FGF12: variants seen among roughly 807,000 people sequenced by gnomAD.
FGF12 encodes the protein fibroblast growth factor 12.
Under a neutral mutation model 23.6 loss-of-function variants are expected in FGF12, and 14 were observed. The ratio of observed to expected loss-of-function variants is 0.59; its 90% CI spans 0.39 to 0.93. The LOEUF (loss-of-function observed/expected upper bound fraction) is 0.93. Ranked by LOEUF, FGF12 falls within the 40% of genes least tolerant of loss-of-function variation. The pLI, the probability that FGF12 is intolerant of heterozygous loss-of-function variation, is 0.00. For missense variants in FGF12, 175 were observed against 217.8 expected (o/e 0.80, Z 1.24); for synonymous variants, 62 against 77.3 (o/e 0.80, Z 1.04).
At chr3:192,359,928 G>T (rs911168302) in intron 3 of FGF12, among the ~76,000 whole-genome samples, 1 of 149,820 alleles carries the variant, frequency 6.7e-6, no homozygotes, top group East Asian at 1.9e-4. Context: ...CAGCAATTTT[G>T]CCTTTAACAT....
chr3:192,221,395 G>A (rs766686605), intron 4 of FGF12, among the ~76,000 whole-genome samples: 4 of 152,076 alleles, frequency 2.6e-5, no homozygotes, highest in Non-Finnish European at 5.9e-5. Context: ...CTATGCATAC[G>A]TAGTACTAAT....
rs545972974 is a variant in FGF12 at position 192,140,373 on chromosome 3, C to A, written c.*3636G>T. 4 of 152,024 alleles carry A rather than the reference C, an allele frequency of 2.6e-5. No homozygotes were observed. The highest frequency in any genetic ancestry group is 9.6e-5 in the African/African-American group (4 of 41,516). The allele number at this position is 152,024 out of a possible 1,614,324, so 9.4% of individuals were successfully genotyped here. A position where few individuals can be genotyped will look rare whatever the true frequency, so the allele number is the denominator to read the frequency against. ...CTCATCTTGTGCAGATGAAATTAAG[C>A]AATATCATGGAAAACCTTCTCAAGA... On this transcript the variant is annotated 3_prime_UTR_variant, in exon 6 of 6. Coordinates refer to ENST00000445105, the MANE Select transcript of FGF12 (RefSeq NM_004113.6).
At chr3:192,722,152 C>T (rs569908841) in intron 2 of FGF12, among the ~76,000 whole-genome samples, 1 of 152,266 alleles carries the variant, frequency 6.6e-6, no homozygotes, top group South Asian at 2.1e-4. Context: ...ATTTAAGAAT[C>T]TTGAGACCCA....
intron 4 of FGF12, among the ~76,000 whole-genome samples, chr3:192,287,565 G>C (rs982316797): frequency 2.4e-4 from 37 of 152,116 alleles, no homozygotes; most frequent in African/African-American, 8.4e-4. Flanking sequence ...CATTTAAAAA[G>C]CCAGCCAAAA....
At chr3:192,203,648 A>G (rs1717494476) in intron 4 of FGF12, among the ~76,000 whole-genome samples, 1 of 148,400 alleles carries the variant, frequency 6.7e-6, no homozygotes, top group Non-Finnish European at 1.5e-5. Context: ...GGCTCACTGC[A>G]GCCTTGACTT....
intron 2 of FGF12, among the ~76,000 whole-genome samples, chr3:192,395,285 A>G (rs780985670): frequency 1.2e-4 from 19 of 152,336 alleles, no homozygotes; most frequent in African/African-American, 4.6e-4. Flanking sequence ...GGCAAAGTAA[A>G]TACTAAGTAT....
At chr3:192,682,872 A>C (rs1015065383) in intron 2 of FGF12, among the ~76,000 whole-genome samples, 1 of 152,170 alleles carries the variant, frequency 6.6e-6, no homozygotes, top group Non-Finnish European at 1.5e-5. Flanking sequence ...GGTCATGCCT[A>C]AGTAATAAAA....
At chr3:192,516,325 C>T (rs1425857253) in intron 2 of FGF12, among the ~76,000 whole-genome samples, 1 of 152,148 alleles carries the variant, frequency 6.6e-6, no homozygotes, top group African/African-American at 2.4e-5. Flanking sequence ...ATTCATTGCA[C>T]GAAAACTGTT....
chr3:192,552,873 A>G (rs1388297620), intron 2 of FGF12, among the ~76,000 whole-genome samples: 1 of 152,160 alleles, frequency 6.6e-6, no homozygotes, highest in Non-Finnish European at 1.5e-5. Context: ...CCTGGGTGAC[A>G]GGGTGAGACT....
At chr3:192,344,605 AC>A (rs978625890) in intron 3 of FGF12, among the ~76,000 whole-genome samples, 2 of 152,124 alleles carry the variant, frequency 1.3e-5, no homozygotes, top group Non-Finnish European at 2.9e-5. Flanking sequence ...GACTTCAGAG[AC>A]TAAAATTTTT....
At chr3:192,361,953 T>C (rs1577388943) in intron 2 of FGF12, among the ~76,000 whole-genome samples, 1 of 152,238 alleles carries the variant, frequency 6.6e-6, no homozygotes, top group Non-Finnish European at 1.5e-5. Context: ...TTCTAATTAA[T>C]AGATATGTAT....
At chr3:192,544,006 T>C (rs112232965) in intron 2 of FGF12, among the ~76,000 whole-genome samples, 1,523 of 152,266 alleles carry the variant, frequency 0.01, 18 homozygotes, top group African/African-American at 0.034. Context: ...AGCACTCTCT[T>C]TGCTGTTCAA....
At chr3:192,472,216 C>G (rs1355917965) in intron 2 of FGF12, among the ~76,000 whole-genome samples, 1 of 152,082 alleles carries the variant, frequency 6.6e-6, no homozygotes, top group Non-Finnish European at 1.5e-5. Flanking sequence ...CGGGGTTTCA[C>G]CATGTTGGCC....
intron 2 of FGF12, among the ~76,000 whole-genome samples, chr3:192,396,087 C>T (rs527736054): frequency 1.3e-5 from 2 of 152,120 alleles, no homozygotes; most frequent in East Asian, 3.9e-4. Flanking sequence ...TGAGCCCACA[C>T]GTGTATTTTT....
chr3:192,676,635 C>T (rs1717335926), intron 2 of FGF12, among the ~76,000 whole-genome samples: 1 of 152,168 alleles, frequency 6.6e-6, no homozygotes, highest in South Asian at 2.1e-4. Flanking sequence ...AGATAGGGCC[C>T]TTACACAGGT....
intron 4 of FGF12, among the ~76,000 whole-genome samples, chr3:192,273,036 G>A (rs890450921): frequency 6.6e-6 from 1 of 152,164 alleles, no homozygotes; most frequent in African/African-American, 2.4e-5. Context: ...GAAGAGAACA[G>A]GTGAAGTGGA....
In FGF12 at chr3:192,565,946, C is replaced by G. The variant is rs150017223; in HGVS notation, c.13+161235G>C. ...TACTGAAAATACAAAATTAGCCGAG[C>G]ATGGTAGCACATGCCTGTAAACCCA... On this transcript the variant is annotated intron_variant, in intron 2 of 5. Coordinates refer to ENST00000445105, the MANE Select transcript of FGF12 (RefSeq NM_004113.6). Among the ~76,000 whole-genome samples the G allele has an allele frequency of 5.4e-3, 827 of 152,250 alleles. 6 individuals are homozygous for G. The highest frequency in any genetic ancestry group is 0.019 in the African/African-American group (773 of 41,540).
At chr3:192,647,126 C>T (rs1012487868) in intron 2 of FGF12, among the ~76,000 whole-genome samples, 1 of 152,098 alleles carries the variant, frequency 6.6e-6, no homozygotes, top group Non-Finnish European at 1.5e-5. Flanking sequence ...AAAACGCTTT[C>T]AGTAATCCAT....
At chr3:192,522,384 A>C (rs1295412485) in intron 2 of FGF12, among the ~76,000 whole-genome samples, 1 of 152,180 alleles carries the variant, frequency 6.6e-6, no homozygotes, top group Non-Finnish European at 1.5e-5. Flanking sequence ...TCACACATGA[A>C]ATAATATATA....
Sources: gnomAD v4.1 joint callset for allele counts (sites outside exome capture counted in the v4.1 genomes callset) on GRCh38, gnomAD v4.1.1 for gene constraint, MANE v1.5 for transcripts, NCBI Gene and HGNC (gene_info 2026-07-23, HGNC 2026-07-21) for gene names.